Variants in CA10 observed in about 807,000 individuals in gnomAD.
CA10 encodes carbonic anhydrase-related protein 10.
Under a neutral mutation model 44.2 loss-of-function variants are expected in CA10, and 14 were observed. The ratio of observed to expected loss-of-function variants is 0.32; its 90% CI spans 0.21 to 0.50. CA10 has a LOEUF of 0.50. Ranked by LOEUF, CA10 falls within the 20% of genes least tolerant of loss-of-function variation. The pLI is 0.99. For synonymous variants in CA10, 159 were observed against 141.6 expected (o/e 1.12, Z -0.87); for missense variants, 350 against 409.7 (o/e 0.85, Z 1.26).
chr17:51,815,090 T>C (rs1907514143), intron 3 of CA10, among the ~76,000 whole-genome samples: 1 of 151,976 alleles, frequency 6.6e-6, no homozygotes, highest in Non-Finnish European at 1.5e-5. Context: ...GCAGTGCTCA[T>C]CTAGAAGCAG....
intron 4 of CA10, among the ~76,000 whole-genome samples, chr17:51,714,123 T>A (rs1916024586): frequency 6.6e-6 from 1 of 152,204 alleles, no homozygotes; most frequent in Non-Finnish European, 1.5e-5. Context: ...GTATAAGCAC[T>A]GACACCAGTT....
chr17:52,042,421 G>T (rs1452317390), intron 2 of CA10, among the ~76,000 whole-genome samples: 4 of 151,744 alleles, frequency 2.6e-5, no homozygotes, highest in Non-Finnish European at 1.5e-5. Context: ...TAGATCATTT[G>T]CACAATTTTA....
chr17:51,734,808 T>C (rs960794289), intron 4 of CA10, among the ~76,000 whole-genome samples: 35 of 152,172 alleles, frequency 2.3e-4, no homozygotes, highest in African/African-American at 8.2e-4. Context: ...ATATCTGAGA[T>C]GGGGTAATTT....
At chr17:51,749,695 T>C (rs932004148) in intron 3 of CA10, among the ~76,000 whole-genome samples, 4 of 152,224 alleles carry the variant, frequency 2.6e-5, no homozygotes, top group African/African-American at 2.4e-5. Context: ...AAACTCTCCG[T>C]TGAGTTCCTG....
intron 2 of CA10, among the ~76,000 whole-genome samples, chr17:52,050,333 T>C (rs540652928): frequency 6.6e-6 from 1 of 152,142 alleles, no homozygotes; most frequent in Admixed American, 6.6e-5. Flanking sequence ...TTTATCGCTC[T>C]CTTTACTCCT....
chr17:51,932,076 T>C (rs1982686676), intron 2 of CA10, among the ~76,000 whole-genome samples: 1 of 152,088 alleles, frequency 6.6e-6, no homozygotes, highest in African/African-American at 2.4e-5. Flanking sequence ...TGAACTCCTA[T>C]TTGGCATCAC....
chr17:52,023,080 T>C (rs1240562471), intron 2 of CA10, among the ~76,000 whole-genome samples: 1 of 152,092 alleles, frequency 6.6e-6, no homozygotes, highest in Non-Finnish European at 1.5e-5. Context: ...ACTGCCAATG[T>C]CTTTTTTCAC....
intron 3 of CA10, among the ~76,000 whole-genome samples, chr17:51,891,632 T>C (rs1980860421): frequency 6.6e-6 from 1 of 152,130 alleles, no homozygotes; most frequent in African/African-American, 2.4e-5. Flanking sequence ...AAATAGACAG[T>C]GGTTTACATG....
At chr17:52,063,796 G>A (rs538500081) in intron 2 of CA10, among the ~76,000 whole-genome samples, 1 of 152,200 alleles carries the variant, frequency 6.6e-6, no homozygotes, top group Admixed American at 6.5e-5. Context: ...AATTCTTTAT[G>A]AATTATCCAG....
At chr17:51,972,551 T>A (rs1032825778) in intron 2 of CA10, among the ~76,000 whole-genome samples, 2 of 151,896 alleles carry the variant, frequency 1.3e-5, no homozygotes, top group Non-Finnish European at 2.9e-5. Context: ...TTAGAGGAGG[T>A]CCATCCATTA....
At chr17:52,011,257 T>C (rs964248669) in intron 2 of CA10, among the ~76,000 whole-genome samples, 1 of 151,942 alleles carries the variant, frequency 6.6e-6, no homozygotes, top group African/African-American at 2.4e-5. Flanking sequence ...TGATGAAAAT[T>C]TTCCATAGTC....
chr17:51,858,883 T>A (rs1317843438), intron 3 of CA10, among the ~76,000 whole-genome samples: 1 of 151,980 alleles, frequency 6.6e-6, no homozygotes, highest in Non-Finnish European at 1.5e-5. Context: ...TAAGCTTGAA[T>A]CCTAGATCTG....
At chr17:51,719,716 A>G (rs1369495005) in intron 4 of CA10, among the ~76,000 whole-genome samples, 1 of 152,008 alleles carries the variant, frequency 6.6e-6, no homozygotes, top group Non-Finnish European at 1.5e-5. Context: ...GTGAGATCGT[A>G]TCTTTACAAA....
At chr17:51,707,704 T>TGTGTGTGTGTGTG (rs1555587873) in intron 4 of CA10, among the ~76,000 whole-genome samples, 27 of 151,528 alleles carry the variant, frequency 1.8e-4, no homozygotes, top group South Asian at 6.3e-4. Flanking sequence ...TGTGTGTGTG[T>TGTGTGTGTGTGTG]TTCTCATGTT....
At chr17:52,157,704 G>A (rs201312360) in intron 1 of CA10, 22 bp downstream of exon 1, 1 of 1,611,138 alleles carries the variant, frequency 6.2e-7, no homozygotes, top group Admixed American at 1.7e-5. Flanking sequence ...AAATCAGCCA[G>A]TGACTTCGGC....
At chr17:51,713,681 C>A (rs1916012084) in intron 4 of CA10, among the ~76,000 whole-genome samples, 1 of 152,188 alleles carries the variant, frequency 6.6e-6, no homozygotes, top group East Asian at 1.9e-4. Flanking sequence ...CAGCACCCTT[C>A]CTTTCCTTTG....
intron 1 of CA10, among the ~76,000 whole-genome samples, chr17:52,155,674 G>A (rs1316622791): frequency 6.6e-6 from 1 of 152,212 alleles, no homozygotes; most frequent in Non-Finnish European, 1.5e-5. Context: ...CTGCCTAAAT[G>A]TCTTCATAAA....
chr17:52,017,161 C>A (rs1046119068), intron 2 of CA10, among the ~76,000 whole-genome samples: 27 of 152,086 alleles, frequency 1.8e-4, no homozygotes, highest in African/African-American at 6.0e-4. Flanking sequence ...GCAAAGCAGA[C>A]TACCACAGAA....
intron 3 of CA10, among the ~76,000 whole-genome samples, chr17:51,899,967 G>A (rs1981240315): frequency 6.8e-6 from 1 of 148,038 alleles, no homozygotes; most frequent in Admixed American, 6.7e-5. Context: ...ATAGCATATA[G>A]TTGGGTTTTA....
Sources: allele counts gnomAD v4.1 joint callset (sites outside exome capture counted in the v4.1 genomes callset), GRCh38; gene constraint gnomAD v4.1.1; transcripts MANE v1.5; gene names NCBI Gene and HGNC (gene_info 2026-07-23, HGNC 2026-07-21).